The following TSNARE1 variants were observed in gnomAD, a reference collection of about 807,000 sequenced individuals.
The protein encoded by TSNARE1 is t-SNARE domain containing 1.
Under a neutral mutation model 62.0 loss-of-function variants are expected in TSNARE1, and 49 were observed. The ratio of observed to expected loss-of-function variants is 0.79; its 90% CI spans 0.63 to 1.00. The LOEUF (loss-of-function observed/expected upper bound fraction) is 1.00, where lower values mean the gene tolerates loss of function less well. Ranked by LOEUF, TSNARE1 falls within the 50% of genes least tolerant of loss-of-function variation. The probability of loss-of-function intolerance (pLI) is 0.00; values close to 1 mark genes in which losing one functional copy is unlikely to be tolerated. For synonymous variants in TSNARE1, 328 were observed against 294.4 expected (o/e 1.11, Z -1.17); for missense variants, 755 against 700.1 (o/e 1.08, Z -0.88).
chr8:142,247,054 C>T (rs1451040266), intron 12 of TSNARE1, among the ~76,000 whole-genome samples: 3 of 152,240 alleles, frequency 2.0e-5, no homozygotes, highest in Non-Finnish European at 4.4e-5. Flanking sequence ...ATGCAGCTCT[C>T]TCCTCCTGGA....
intron 12 of TSNARE1, among the ~76,000 whole-genome samples, chr8:142,264,027 T>G (rs1207946898): frequency 6.6e-6 from 1 of 152,242 alleles, no homozygotes; most frequent in East Asian, 1.9e-4. Flanking sequence ...ATGTCTATTT[T>G]AATTTTCAGC....
intron 11 of TSNARE1, chr8:142,275,488 C>CCAG: frequency 5.1e-6 from 5 of 985,412 alleles, no homozygotes; most frequent in Non-Finnish European, 6.0e-6. Context: ...AGACACCAGA[C>CCAG]CAGGGCCGGG....
At chr8:142,345,596 TGGCAGGG>T in intron 3 of TSNARE1, 140 bp downstream of exon 3, 1 of 973,026 alleles carries the variant, frequency 1.0e-6, no homozygotes, top group Non-Finnish European at 1.5e-6. Flanking sequence ...GGGGAAGGCC[TGGCAGGG>T]GGCAGGGGAT....
chr8:142,217,700 C>G (rs1377622313), intron 13 of TSNARE1, among the ~76,000 whole-genome samples: 1 of 152,236 alleles, frequency 6.6e-6, no homozygotes, highest in African/African-American at 2.4e-5. Flanking sequence ...TTAGGTTCAG[C>G]CTGTGACCAA....
chr8:142,307,289 C>G (rs1826853226), intron 9 of TSNARE1, among the ~76,000 whole-genome samples: 1 of 152,238 alleles, frequency 6.6e-6, no homozygotes, highest in Non-Finnish European at 1.5e-5. Flanking sequence ...ATGAATTCAG[C>G]AGGTGCTGCT....
intron 11 of TSNARE1, chr8:142,278,101 C>G: frequency 1.0e-6 from 1 of 985,384 alleles, no homozygotes; most frequent in East Asian, 1.1e-4. Flanking sequence ...CCCACCCCAT[C>G]AGGAGGCCCA....
chr8:142,254,191 A>G (rs934756323), intron 12 of TSNARE1, among the ~76,000 whole-genome samples: 2 of 152,174 alleles, frequency 1.3e-5, no homozygotes, highest in Non-Finnish European at 2.9e-5. Flanking sequence ...AAACCGATCT[A>G]TATCTGTTTG....
chr8:142,221,715 AC>A (rs776669395), intron 13 of TSNARE1, among the ~76,000 whole-genome samples: 83,287 of 144,764 alleles, frequency 0.58, 39,184 homozygotes, highest in Admixed American at 0.61. Flanking sequence ...TCATCCACTC[AC>A]TCACTCATTC....
intron 12 of TSNARE1, among the ~76,000 whole-genome samples, chr8:142,253,201 G>A (rs1378923890): frequency 1.3e-5 from 2 of 152,236 alleles, no homozygotes; most frequent in Non-Finnish European, 2.9e-5. Context: ...TACGGGTACG[G>A]GAGGAGGGCC....
intron 12 of TSNARE1, among the ~76,000 whole-genome samples, chr8:142,265,124 T>TTGTGTGTGTG (rs35377443): frequency 0.44 from 66,639 of 150,950 alleles, 15,927 homozygotes; most frequent in African/African-American, 0.63. Context: ...TCTACTCAGT[T>TTGTGTGTGTG]TGTGTGTGTG....
chr8:142,320,336 C>T (rs1829292482), intron 6 of TSNARE1, among the ~76,000 whole-genome samples: 1 of 152,122 alleles, frequency 6.6e-6, no homozygotes, highest in African/African-American at 2.4e-5. Flanking sequence ...CTTCACCTCC[C>T]CACACCACCC....
At chr8:142,258,166 A>ATGCACACACAGATGCCTGTG in intron 12 of TSNARE1, among the ~76,000 whole-genome samples, 1 of 152,360 alleles carries the variant, frequency 6.6e-6, no homozygotes, top group African/African-American at 2.4e-5. Context: ...CACACGCTGT[A>ATGCACACACAGATGCCTGTG]TGCACACACA....
intron 9 of TSNARE1, among the ~76,000 whole-genome samples, chr8:142,312,852 G>C (rs575334770): frequency 2.0e-5 from 3 of 152,350 alleles, no homozygotes; most frequent in African/African-American, 7.2e-5. Flanking sequence ...GTCTCAATAA[G>C]CTGAGACACA....
intron 11 of TSNARE1, chr8:142,279,828 G>T: frequency 1.0e-6 from 1 of 991,530 alleles, no homozygotes; most frequent in South Asian, 3.3e-5. Flanking sequence ...AGTGTGGTCC[G>T]GGGGGGCGGG....
chr8:142,345,059 C>T (rs1413906390), intron 3 of TSNARE1, among the ~76,000 whole-genome samples: 2 of 152,226 alleles, frequency 1.3e-5, no homozygotes, highest in African/African-American at 4.8e-5. Flanking sequence ...GGTCGGCAGC[C>T]TCACCCCCCT....
chr8:142,293,562 G>A (rs934736138), intron 10 of TSNARE1, among the ~76,000 whole-genome samples: 4 of 152,218 alleles, frequency 2.6e-5, no homozygotes, highest in African/African-American at 9.7e-5. Flanking sequence ...TGGTATGGCT[G>A]TGCCTGAGCC....
chr8:142,261,070 AGGAGAG>A (rs1563786864), intron 12 of TSNARE1, among the ~76,000 whole-genome samples: 14 of 30,442 alleles, frequency 4.6e-4, no homozygotes, highest in East Asian at 1.2e-3. Flanking sequence ...AGCAGGAGGG[AGGAGAG>A]AGGAAAGGAG....
chr8:142,219,754 T>C (rs1468458205), intron 13 of TSNARE1, among the ~76,000 whole-genome samples: 4 of 152,192 alleles, frequency 2.6e-5, no homozygotes, highest in Non-Finnish European at 5.9e-5. Context: ...CCTATGAGGA[T>C]GGCTCTGCCC....
At chr8:142,246,135 C>T (rs1393481700) in intron 12 of TSNARE1, among the ~76,000 whole-genome samples, 1 of 152,168 alleles carries the variant, frequency 6.6e-6, no homozygotes, top group Non-Finnish European at 1.5e-5. Flanking sequence ...CCATAAGGGT[C>T]CCAAAGAGGG....
Sources: gnomAD v4.1 joint callset for allele counts (sites outside exome capture counted in the v4.1 genomes callset) on GRCh38, gnomAD v4.1.1 for gene constraint, MANE v1.5 for transcripts, NCBI Gene and HGNC (gene_info 2026-07-23, HGNC 2026-07-21) for gene names.